The following COL4A2 variants were observed in gnomAD, a reference collection of about 807,000 sequenced individuals.
The protein encoded by COL4A2 is collagen alpha-2(IV) chain.
A neutral mutation model predicts 200.2 loss-of-function variants in COL4A2; 99 were observed. That is an observed-to-expected ratio of 0.49 (90% confidence interval 0.42 to 0.58). The LOEUF (loss-of-function observed/expected upper bound fraction) is 0.58. Among genes scored for constraint, COL4A2 ranks in the 20% least tolerant of loss-of-function variants. COL4A2 has a pLI of 0.00. For missense variants in COL4A2, 1,950 were observed against 2,314.1 expected (o/e 0.84, Z 3.23); for synonymous variants, 897 against 900.6 (o/e 1.00, Z 0.07).
Position 110,321,229 on chromosome 13 carries a change from C to T in COL4A2, c.99+13106C>T, listed in dbSNP as rs988132191. 2.5e-3 allele frequency among the ~76,000 whole-genome samples: 348 copies of T among 140,708 alleles called. 2 individuals are homozygous for T. Among genetic ancestry groups the T allele is most frequent in the Admixed American group, 8.1e-3 (119 of 14,628 alleles). The allele number at this position is 140,708 out of a possible 152,430, so 92.3% of individuals were successfully genotyped here. A position where few individuals can be genotyped will look rare whatever the true frequency, so the allele number is the denominator to read the frequency against. ...GTGTGTATATATATATATATATACA[C>T]ACACACACACACATAGAGAGTGTAC... On this transcript the variant is annotated intron_variant, in intron 3 of 47. Transcript: ENST00000360467.
At chr13:110,478,854 G>T (rs987690606) in intron 30 of COL4A2, among the ~76,000 whole-genome samples, 3 of 152,250 alleles carry the variant, frequency 2.0e-5, no homozygotes, top group African/African-American at 7.2e-5. Context: ...TGGGAAAGAC[G>T]CAGTTGCTTA....
intron 30 of COL4A2, among the ~76,000 whole-genome samples, chr13:110,478,734 T>C (rs1566557738): frequency 6.6e-6 from 1 of 152,254 alleles, no homozygotes; most frequent in South Asian, 2.1e-4. Context: ...AGGGAAACTG[T>C]CAGTGCTGGT....
intron 36 of COL4A2, among the ~76,000 whole-genome samples, chr13:110,490,349 C>T (rs1408214693): frequency 2.0e-5 from 3 of 152,242 alleles, no homozygotes; most frequent in Non-Finnish European, 4.4e-5. Context: ...TAGTTTTCTT[C>T]TTTCTGGGGA....
rs936768755 is a variant in COL4A2 at position 110,472,787 on chromosome 13, CAG to C, written c.2204-141_2204-140del. 2.2e-5 allele frequency: 15 copies of C among 685,690 alleles called. No homozygotes were observed. In the Admixed American group the frequency reaches 4.2e-4, roughly 19 times the overall value. 42.5% of individuals were successfully genotyped at this position (685,690 alleles called of 1,614,324 possible). ...AGGTTGTAGGTTCCAAAAAGGGCGA[CAG>C]GGACAAGGGCTCGAGCTGAGGAATG... is the stretch of plus-strand genomic sequence containing the variant. On this transcript the variant is annotated intron_variant, in intron 28 of 47. Transcript: ENST00000360467.
chr13:110,457,926 TG>T (rs1451092475), intron 21 of COL4A2, among the ~76,000 whole-genome samples: 2 of 152,132 alleles, frequency 1.3e-5, no homozygotes, highest in Non-Finnish European at 2.9e-5. Context: ...GAGGCGAACT[TG>T]GAACAGGTGG....
intron 40 of COL4A2, among the ~76,000 whole-genome samples, chr13:110,496,506 A>G (rs952497658): frequency 2.6e-5 from 4 of 152,244 alleles, no homozygotes; most frequent in Non-Finnish European, 5.9e-5. Context: ...AGCCCTAGTC[A>G]GGGTGAGGAT....
Position 110,319,947 on chromosome 13 carries a change from T to C in COL4A2, c.99+11824T>C, listed in dbSNP as rs145108437. ...ATCTTAACAGCAAGTAGGCCAAAAT[T>C]GTGTATCTTCAGTGATATGTCAATT... On this transcript the variant is annotated intron_variant, in intron 3 of 47. Transcript: ENST00000360467. Among the ~76,000 whole-genome samples, 226 of 152,320 alleles carry C rather than the reference T, an allele frequency of 1.5e-3. 1 individual carries two copies. Among genetic ancestry groups the C allele is most frequent in the African/African-American group, 5.2e-3 (217 of 41,568 alleles).
At chr13:110,445,452 G>A (rs1010147067) in intron 16 of COL4A2, among the ~76,000 whole-genome samples, 15 of 152,198 alleles carry the variant, frequency 9.9e-5, no homozygotes, top group African/African-American at 3.6e-4. Context: ...AGAACAGATT[G>A]TACAACACCA....
rs760926154 is a variant in COL4A2 at position 110,472,999 on chromosome 13, C to T, written c.2274C>T (p.Ile758=). Residue 758 remains isoleucine (I), a synonymous_variant, in exon 29 of 48, where the codon ATC becomes ATT. Transcript: ENST00000360467. ...GCCCAGATGGATCCCCAGGTCCCAT[C>T]GGCCTGCCAGGGCCAGATGGGCCCC... is the stretch of plus-strand genomic sequence containing the variant. ...LPGPDGSPGP[I]GLPGPDGPPG... 60 of 1,532,586 alleles carry T rather than the reference C, an allele frequency of 3.9e-5. No homozygotes were observed. The highest frequency in any genetic ancestry group is 3.3e-4 in the African/African-American group (24 of 71,926). 94.9% of individuals were successfully genotyped at this position (1,532,586 alleles called of 1,614,324 possible).
intron 24 of COL4A2, 119 bp downstream of exon 24, chr13:110,462,503 G>A (rs1475113277): frequency 8.8e-6 from 8 of 910,470 alleles, no homozygotes; most frequent in Non-Finnish European, 1.3e-5. Flanking sequence ...CATAGGACAG[G>A]CTGCTCATTC....
chr13:110,331,718 T>C (rs1056315967), intron 3 of COL4A2, among the ~76,000 whole-genome samples: 12 of 152,192 alleles, frequency 7.9e-5, no homozygotes, highest in African/African-American at 2.9e-4. Context: ...TGCTATCTAG[T>C]ATTTACTCTC....
chr13:110,437,875 A>G, intron 13 of COL4A2, 127 bp from the exon 14 acceptor site: 1 of 806,914 alleles, frequency 1.2e-6, no homozygotes, highest in Non-Finnish European at 2.1e-6. Context: ...ATGTGTTGTA[A>G]TCAATTTATG....
At chr13:110,442,087 CAAAAAAAAAAAA>C (rs10530153) in intron 16 of COL4A2, among the ~76,000 whole-genome samples, 8 of 47,642 alleles carry the variant, frequency 1.7e-4, no homozygotes, top group South Asian at 2.6e-3. Flanking sequence ...CTCTCTGTCT[CAAAAAAAAAAAA>C]AAAAAAAAAA....
At chr13:110,464,354 G>T (rs934673028) in intron 24 of COL4A2, among the ~76,000 whole-genome samples, 1 of 152,156 alleles carries the variant, frequency 6.6e-6, no homozygotes, top group Non-Finnish European at 1.5e-5. Context: ...CCCAGTGCTT[G>T]TGTGCCTTCC....
chr13:110,375,835 A>AC (rs1878215237), intron 4 of COL4A2, among the ~76,000 whole-genome samples: 1 of 152,164 alleles, frequency 6.6e-6, no homozygotes, highest in African/African-American at 2.4e-5. Flanking sequence ...GTCTCAAAAA[A>AC]AAAAAAATTG....
intron 3 of COL4A2, among the ~76,000 whole-genome samples, chr13:110,327,101 G>A (rs1269572686): frequency 6.6e-6 from 1 of 152,050 alleles, no homozygotes; most frequent in Non-Finnish European, 1.5e-5. Flanking sequence ...ACCTGGGCTA[G>A]CCTGTCCCCA....
Position 110,355,842 on chromosome 13 carries a change from G to T in COL4A2, c.100-1630G>T, listed in dbSNP as rs866625831. ...GGCTGCACTAGCTCACCTGTGTGTG[G>T]GGGGGAGGGCTGTACTAGCTCACCT... On this transcript the variant is annotated intron_variant, in intron 3 of 47. Transcript: ENST00000360467. Among the ~76,000 whole-genome samples, 40 of 13,546 alleles carry T rather than the reference G, an allele frequency of 3.0e-3. 1 individual carries two copies. Among genetic ancestry groups the T allele is most frequent in the Middle Eastern group, 0.029 (1 of 34 alleles). The allele number at this position is 13,546 out of a possible 152,430, so 8.9% of individuals were successfully genotyped here. A position where few individuals can be genotyped will look rare whatever the true frequency, so the allele number is the denominator to read the frequency against.
At position 110,485,793 on chromosome 13, in the gene COL4A2, G is replaced by C; in HGVS notation, c.3164G>C (p.Gly1055Ala). The change falls in exon 34 of 48, where the codon GGC (glycine) becomes GCC (alanine). Residue 1055 changes from glycine (G) to alanine (A), a missense_variant. Gly to Ala is a moderately conservative substitution (Grantham distance 60). Coordinates refer to ENST00000360467, the MANE Select transcript of COL4A2 (RefSeq NM_001846.4). The part of the protein sequence containing the change: ...PGLPGFPGVA[G>A]PPGITGFPGF... Reference sequence around the variant, plus strand: ...TTGCCAGGATTCCCTGGGGTGGCTGGCCCCCCTGGAATTACGGGATTCCCA... The same window carrying C: ...TTGCCAGGATTCCCTGGGGTGGCTGCCCCCCCTGGAATTACGGGATTCCCA... The C allele has an allele frequency of 1.2e-6, 2 of 1,613,750 alleles. No homozygotes were observed. Among genetic ancestry groups the C allele is most frequent in the Non-Finnish European group, 1.7e-6 (2 of 1,179,894 alleles).
At chr13:110,493,492 C>T (rs1256897350) in intron 39 of COL4A2, among the ~76,000 whole-genome samples, 1 of 152,188 alleles carries the variant, frequency 6.6e-6, no homozygotes, top group Non-Finnish European at 1.5e-5. Flanking sequence ...ATCGGTTTCT[C>T]AAGGCAGTTG....
Sources: allele counts gnomAD v4.1 joint callset (sites outside exome capture counted in the v4.1 genomes callset), GRCh38; gene constraint gnomAD v4.1.1; transcripts MANE v1.5; gene names NCBI Gene and HGNC (gene_info 2026-07-23, HGNC 2026-07-21).